The following KLRG1 variants were observed in gnomAD, a reference collection of about 807,000 sequenced individuals.
KLRG1 encodes the protein killer cell lectin-like receptor subfamily G member 1.
KLRG1 carries 16 observed loss-of-function variants against 21.8 expected under a neutral mutation model. The ratio of observed to expected loss-of-function variants is 0.73; its 90% CI spans 0.50 to 1.11. KLRG1 has a LOEUF of 1.11. Ranked by LOEUF, KLRG1 falls within the 50% of genes most tolerant of loss-of-function variation. KLRG1 has a pLI of 0.00. For synonymous variants in KLRG1, 69 were observed against 75.9 expected (o/e 0.91, Z 0.47); for missense variants, 173 against 218.3 (o/e 0.79, Z 1.31).
chr12:9,156,906 TTATC>T, the KLRG1 span, among the ~76,000 whole-genome samples: 1 of 152,008 alleles, frequency 6.6e-6, no homozygotes, highest in East Asian at 1.9e-4. Context: ...CTTTTATTAT[TTATC>T]TATTTATTTA....
chr12:9,074,680 C>A, the KLRG1 span: 1 of 1,613,948 alleles, frequency 6.2e-7, no homozygotes, highest in Non-Finnish European at 8.5e-7. Flanking sequence ...AAGCGAGGAG[C>A]ACATAGGATG....
chr12:9,119,468 G>T, the KLRG1 span, among the ~76,000 whole-genome samples: 1 of 152,006 alleles, frequency 6.6e-6, no homozygotes, highest in Non-Finnish European at 1.5e-5. Context: ...AGCTGTTTCA[G>T]TGCCGGTGTG....
the KLRG1 span, chr12:9,067,765 T>A: frequency 5.8e-6 from 9 of 1,552,312 alleles, no homozygotes; most frequent in East Asian, 2.0e-4. Flanking sequence ...AAAACACGTG[T>A]CTTCTGTGGA....
chr12:8,960,466 G>A (rs1946364536), intron 1 of KLRG1, among the ~76,000 whole-genome samples: 1 of 152,198 alleles, frequency 6.6e-6, no homozygotes, highest in Non-Finnish European at 1.5e-5. Context: ...TCACCTGCCA[G>A]AGTGGAAAGA....
At chr12:9,083,175 G>A in the KLRG1 span, among the ~76,000 whole-genome samples, 3 of 152,096 alleles carry the variant, frequency 2.0e-5, no homozygotes, top group Admixed American at 2.0e-4. Flanking sequence ...TCACTCATAG[G>A]TGGGAATTGA....
At chr12:9,134,209 G>T in the KLRG1 span, among the ~76,000 whole-genome samples, 3 of 152,190 alleles carry the variant, frequency 2.0e-5, no homozygotes, top group Non-Finnish European at 4.4e-5. Flanking sequence ...AACCCATGGT[G>T]TTGTGGAGAA....
chr12:9,173,513 T>C, the KLRG1 span, among the ~76,000 whole-genome samples: 1 of 151,968 alleles, frequency 6.6e-6, no homozygotes, highest in Non-Finnish European at 1.5e-5. Flanking sequence ...AAAAACCCTC[T>C]TAAAAAAACA....
the KLRG1 span, chr12:9,160,415 A>G: frequency 3.1e-6 from 5 of 1,613,892 alleles, no homozygotes; most frequent in Non-Finnish European, 3.4e-6. Context: ...AAATAGGACC[A>G]TGTTCTGTTC....
At chr12:8,960,207 G>C (rs968523180) in intron 1 of KLRG1, among the ~76,000 whole-genome samples, 1 of 152,178 alleles carries the variant, frequency 6.6e-6, no homozygotes, top group Non-Finnish European at 1.5e-5. Context: ...GTGCAGGAAG[G>C]GGGAACCCAG....
At chr12:9,075,338 C>T in the KLRG1 span, among the ~76,000 whole-genome samples, 1 of 152,078 alleles carries the variant, frequency 6.6e-6, no homozygotes. Flanking sequence ...TGTGCTTAGC[C>T]CACTAATCAG....
intron 1 of KLRG1, among the ~76,000 whole-genome samples, chr12:8,976,669 G>A (rs1946661422): frequency 1.3e-5 from 2 of 152,062 alleles, no homozygotes; most frequent in Admixed American, 6.5e-5. Context: ...ATTTGTAATT[G>A]TTATGTATTC....
chr12:8,959,865 T>G (rs1946355021), intron 1 of KLRG1, among the ~76,000 whole-genome samples: 1 of 152,200 alleles, frequency 6.6e-6, no homozygotes, highest in African/African-American at 2.4e-5. Context: ...ACACAATTGG[T>G]TTTTGTATTT....
chr12:9,042,347 A>G, the KLRG1 span, among the ~76,000 whole-genome samples: 1 of 152,244 alleles, frequency 6.6e-6, no homozygotes, highest in South Asian at 2.1e-4. Context: ...GTAATAAATT[A>G]CAACAGAGCA....
At chr12:9,181,798 G>C in the KLRG1 span, among the ~76,000 whole-genome samples, 1 of 152,086 alleles carries the variant, frequency 6.6e-6, no homozygotes, top group Non-Finnish European at 1.5e-5. Context: ...TAGCAGCTTT[G>C]TGTAATTGAA....
chr12:9,137,255 A>G, the KLRG1 span, among the ~76,000 whole-genome samples: 2 of 152,104 alleles, frequency 1.3e-5, no homozygotes, highest in Non-Finnish European at 2.9e-5. Context: ...ATGGATATAC[A>G]GTTTTCTCCA....
At chr12:9,110,258 C>T in the KLRG1 span, 1 of 1,351,830 alleles carries the variant, frequency 7.4e-7, no homozygotes, top group South Asian at 1.4e-5. Context: ...GAAATAAGAA[C>T]ATTTTCCCTA....
chr12:8,987,402 A>C (rs958382561), upstream of KLRG1: 1 of 152,254 alleles, frequency 6.6e-6, no homozygotes, highest in Non-Finnish European at 1.5e-5. Context: ...ACTTGAGGAT[A>C]TAGTGAGAAG....
At chr12:9,125,370 G>A in the KLRG1 span, among the ~76,000 whole-genome samples, 2 of 152,210 alleles carry the variant, frequency 1.3e-5, no homozygotes, top group African/African-American at 2.4e-5. Flanking sequence ...CTTCCTGGAT[G>A]CAGGACAAGA....
At chr12:9,121,027 C>G in the KLRG1 span, among the ~76,000 whole-genome samples, 2 of 151,878 alleles carry the variant, frequency 1.3e-5, no homozygotes, top group South Asian at 2.1e-4. The surrounding 1 kb of genome is among the most constrained non-coding windows in gnomAD (Gnocchi z 4.4). Flanking sequence ...ACTACAGGTG[C>G]ACTCCACCAC....
Sources: allele counts gnomAD v4.1 joint callset (sites outside exome capture counted in the v4.1 genomes callset), GRCh38; gene constraint gnomAD v4.1.1; non-coding constraint Gnocchi (gnomAD v3.1); transcripts MANE v1.5; gene names NCBI Gene and HGNC (gene_info 2026-07-23, HGNC 2026-07-21).